The following PTPRD variants were observed in gnomAD, a reference collection of about 807,000 sequenced individuals.
PTPRD encodes the protein receptor-type tyrosine-protein phosphatase delta.
In PTPRD, 34 loss-of-function variants were observed where a neutral mutation model predicts 214.5. The observed-to-expected ratio is 0.16, with a 90% CI of 0.12 to 0.21. The LOEUF (loss-of-function observed/expected upper bound fraction) is 0.21, where lower values mean the gene tolerates loss of function less well. Ranked by LOEUF, PTPRD falls within the 10% of genes least tolerant of loss-of-function variation. PTPRD has a pLI of 1.00. For missense variants in PTPRD, 2,545 were observed against 2,398.7 expected (o/e 1.06, Z -1.27); for synonymous variants, 1,128 against 845.7 (o/e 1.33, Z -5.79).
intron 11 of PTPRD, among the ~76,000 whole-genome samples, chr9:8,755,164 C>A (rs1202505463): frequency 6.6e-6 from 1 of 151,304 alleles, no homozygotes; most frequent in Non-Finnish European, 1.5e-5. Context: ...ATACCTACCA[C>A]ATCAACCAGC....
At chr9:8,355,985 A>T (rs2076898985) in intron 39 of PTPRD, among the ~76,000 whole-genome samples, 1 of 152,216 alleles carries the variant, frequency 6.6e-6, no homozygotes, top group South Asian at 2.1e-4. Context: ...GTTTACATAC[A>T]TACACATAAA....
intron 7 of PTPRD, among the ~76,000 whole-genome samples, chr9:9,670,885 T>G (rs1486830450): frequency 3.3e-5 from 5 of 152,166 alleles, no homozygotes; most frequent in Admixed American, 2.6e-4. Flanking sequence ...CATGGAGAAC[T>G]CTGTTAGGGC....
chr9:8,685,998 G>A (rs1464769253), intron 12 of PTPRD, among the ~76,000 whole-genome samples: 3 of 152,112 alleles, frequency 2.0e-5, no homozygotes, highest in African/African-American at 7.2e-5. Flanking sequence ...TCTGGCTCTT[G>A]GGGAGATGTT....
At chr9:9,928,173 T>C (rs2085014621) in intron 5 of PTPRD, among the ~76,000 whole-genome samples, 1 of 152,128 alleles carries the variant, frequency 6.6e-6, no homozygotes, top group Non-Finnish European at 1.5e-5. Flanking sequence ...TAAATAACTT[T>C]TGTTGCTGCA....
At chr9:9,207,431 C>G (rs138018782) in intron 9 of PTPRD, among the ~76,000 whole-genome samples, 32 of 151,878 alleles carry the variant, frequency 2.1e-4, no homozygotes, top group African/African-American at 7.2e-4. Context: ...AAAAATCAAT[C>G]ATACAATAGA....
intron 11 of PTPRD, among the ~76,000 whole-genome samples, chr9:9,015,110 C>G (rs540781796): frequency 5.9e-5 from 9 of 152,066 alleles, no homozygotes; most frequent in African/African-American, 1.7e-4. Context: ...AACTAGATAG[C>G]TTTTAAAAAA....
chr9:10,332,584 C>A (rs549265793), intron 3 of PTPRD, among the ~76,000 whole-genome samples: 1 of 151,896 alleles, frequency 6.6e-6, no homozygotes, highest in African/African-American at 2.4e-5. Context: ...ATACTACATG[C>A]AGCATATAAC....
At chr9:9,743,660 G>C (rs2154457656) in intron 6 of PTPRD, among the ~76,000 whole-genome samples, 1 of 148,696 alleles carries the variant, frequency 6.7e-6, no homozygotes, top group East Asian at 2.0e-4. Context: ...TAAGACAGAA[G>C]AAGAAATGAA....
intron 4 of PTPRD, among the ~76,000 whole-genome samples, chr9:9,994,390 T>G (rs1316134664): frequency 1.3e-5 from 2 of 152,210 alleles, no homozygotes; most frequent in African/African-American, 4.8e-5. Flanking sequence ...CACTTACCTC[T>G]CTAGAATAAT....
At chr9:9,589,785 C>A (rs1240002395) in intron 7 of PTPRD, among the ~76,000 whole-genome samples, 1 of 151,898 alleles carries the variant, frequency 6.6e-6, no homozygotes, top group Admixed American at 6.6e-5. Context: ...GAAATTTGAA[C>A]AACAACATGT....
intron 3 of PTPRD, among the ~76,000 whole-genome samples, chr9:10,277,552 T>C (rs2094783458): frequency 1.3e-5 from 2 of 150,586 alleles, no homozygotes; most frequent in African/African-American, 4.8e-5. Context: ...GCATATAAAC[T>C]GATTAGCTGA....
chr9:8,985,754 C>G (rs1276891344), intron 11 of PTPRD, among the ~76,000 whole-genome samples: 1 of 151,860 alleles, frequency 6.6e-6, no homozygotes, highest in Non-Finnish European at 1.5e-5. Context: ...GATTAAATTT[C>G]CTATTTTCCA....
chr9:10,081,605 T>G (rs941582844), intron 3 of PTPRD, among the ~76,000 whole-genome samples: 1 of 152,096 alleles, frequency 6.6e-6, no homozygotes, highest in Non-Finnish European at 1.5e-5. Context: ...GGCCCTGATC[T>G]GAGACTTTCA....
At chr9:10,399,661 G>C (rs2098236994) in intron 2 of PTPRD, among the ~76,000 whole-genome samples, 1 of 151,890 alleles carries the variant, frequency 6.6e-6, no homozygotes, top group Non-Finnish European at 1.5e-5. Flanking sequence ...GGCTTGTTCA[G>C]AGAAAATTTC....
intron 5 of PTPRD, among the ~76,000 whole-genome samples, chr9:9,907,669 G>A (rs536405855): frequency 4.3e-4 from 66 of 151,902 alleles, no homozygotes; most frequent in African/African-American, 1.5e-3. Context: ...TGAATTTCAG[G>A]GAGACACAAT....
chr9:8,938,415 A>C (rs2099011421), intron 11 of PTPRD, among the ~76,000 whole-genome samples: 1 of 152,214 alleles, frequency 6.6e-6, no homozygotes. Context: ...ATATAATCAC[A>C]TAATAAATAT....
At chr9:10,233,902 A>C (rs2099620485) in intron 3 of PTPRD, among the ~76,000 whole-genome samples, 1 of 151,964 alleles carries the variant, frequency 6.6e-6, no homozygotes, top group Non-Finnish European at 1.5e-5. Flanking sequence ...TTTTACCTTT[A>C]ATTGGAATCA....
Position 8,927,667 on chromosome 9 carries a change from T to C in PTPRD, c.-104+91030A>G, listed in dbSNP as rs189872773. Among the ~76,000 whole-genome samples, 256 of 152,322 alleles carry C rather than the reference T, an allele frequency of 1.7e-3. 1 individual carries two copies. Among genetic ancestry groups the C allele is most frequent in the Middle Eastern group, 0.01 (3 of 294 alleles). On this transcript the variant is annotated intron_variant, in intron 11 of 45. Coordinates refer to ENST00000381196, the MANE Select transcript of PTPRD (RefSeq NM_002839.4). Reference sequence around the variant, plus strand: ...ATTGTGAACAGTGCTGCAATAAACATATGTGTGCATGTGTCTTTATAGCAG... The same window carrying C: ...ATTGTGAACAGTGCTGCAATAAACACATGTGTGCATGTGTCTTTATAGCAG...
At chr9:9,278,744 A>T (rs1453108551) in intron 9 of PTPRD, among the ~76,000 whole-genome samples, 3 of 151,398 alleles carry the variant, frequency 2.0e-5, no homozygotes, top group African/African-American at 7.3e-5. Context: ...CATCTAGAAC[A>T]TGCAGTTAAT....
Sources: allele counts gnomAD v4.1 joint callset (sites outside exome capture counted in the v4.1 genomes callset), GRCh38; gene constraint gnomAD v4.1.1; transcripts MANE v1.5; gene names NCBI Gene and HGNC (gene_info 2026-07-23, HGNC 2026-07-21).